Variants in KIF16B observed in about 807,000 individuals in gnomAD.
The protein encoded by KIF16B is kinesin-like protein KIF16B.
A neutral mutation model predicts 156.3 loss-of-function variants in KIF16B; 98 were observed. The observed-to-expected ratio is 0.63, with a 90% CI of 0.53 to 0.74. The LOEUF (loss-of-function observed/expected upper bound fraction) is 0.74, where lower values mean the gene tolerates loss of function less well. KIF16B is among the 30% of genes least tolerant of loss of function. KIF16B has a pLI of 0.00. For synonymous variants in KIF16B, 564 were observed against 583.7 expected (o/e 0.97, Z 0.49); for missense variants, 1,421 against 1,606.5 (o/e 0.88, Z 1.97).
intron 18 of KIF16B, among the ~76,000 whole-genome samples, chr20:16,380,519 A>C (rs866509433): frequency 2.6e-5 from 4 of 152,364 alleles, no homozygotes; most frequent in Middle Eastern, 3.4e-3. Context: ...TATTCAGCCC[A>C]ATGACTAAAA....
chr20:16,528,258 C>A (rs1019294522), intron 2 of KIF16B, 113 bp downstream of exon 2: 26 of 782,648 alleles, frequency 3.3e-5, no homozygotes, highest in Non-Finnish European at 5.1e-5. Flanking sequence ...GCTAACTGCA[C>A]TGGAAAGGAG....
intron 12 of KIF16B, among the ~76,000 whole-genome samples, chr20:16,462,669 G>T (rs1001126475): frequency 1.3e-5 from 2 of 152,158 alleles, no homozygotes; most frequent in African/African-American, 4.8e-5. Flanking sequence ...GACAGTTAGA[G>T]AGGGTAAGAG....
At chr20:16,325,605 T>C (rs1347700874) in intron 24 of KIF16B, among the ~76,000 whole-genome samples, 1 of 149,978 alleles carries the variant, frequency 6.7e-6, no homozygotes, top group African/African-American at 2.5e-5. Context: ...GAAAGACCTC[T>C]ACAAGGAAAA....
intron 24 of KIF16B, 34 bp downstream of exon 24, chr20:16,335,892 G>T: frequency 7.9e-7 from 1 of 1,266,506 alleles, no homozygotes; most frequent in Non-Finnish European, 1.1e-6. Context: ...TAAAATGAAT[G>T]CTCTTAATCG....
At chr20:16,472,722 G>A (rs1046948716) in intron 12 of KIF16B, among the ~76,000 whole-genome samples, 1 of 152,092 alleles carries the variant, frequency 6.6e-6, no homozygotes, top group African/African-American at 2.4e-5. Context: ...ACTACACTGT[G>A]TTCAGAGAAC....
At chr20:16,310,550 C>A (rs570977757) in intron 25 of KIF16B, among the ~76,000 whole-genome samples, 39 of 152,274 alleles carry the variant, frequency 2.6e-4, no homozygotes, top group South Asian at 4.1e-4. Context: ...AATCTATTTT[C>A]TGTTGGCATA....
chr20:16,484,773 T>C (rs2068070614), intron 12 of KIF16B, among the ~76,000 whole-genome samples: 1 of 152,184 alleles, frequency 6.6e-6, no homozygotes, highest in Non-Finnish European at 1.5e-5. Context: ...CAAGTCATCT[T>C]CATTGCAACC....
chr20:16,289,994 T>C (rs973437591), intron 25 of KIF16B, among the ~76,000 whole-genome samples: 1 of 152,248 alleles, frequency 6.6e-6, no homozygotes, highest in African/African-American at 2.4e-5. Flanking sequence ...TAAGATACAT[T>C]TTAGATGCTC....
At chr20:16,567,559 C>A (rs1019814514) in intron 1 of KIF16B, among the ~76,000 whole-genome samples, 2 of 152,224 alleles carry the variant, frequency 1.3e-5, no homozygotes, top group Non-Finnish European at 2.9e-5. Flanking sequence ...GGAACCGAAG[C>A]AGCTGGCTCA....
intron 17 of KIF16B, among the ~76,000 whole-genome samples, chr20:16,388,664 C>T (rs988321887): frequency 3.3e-5 from 5 of 151,142 alleles, no homozygotes; most frequent in Non-Finnish European, 5.9e-5. Context: ...TTTTCTTTTA[C>T]ATTAAAAGAG....
In KIF16B at chr20:16,380,136, C is replaced by T; in HGVS notation, c.1866G>A (p.Lys622=). Residue 622 remains lysine (K), a synonymous_variant, in exon 19 of 26, where the codon AAG becomes AAA. Transcript: ENST00000354981. ...KRKLIEEMEE[K]QKSDKAELER... ...CCAGTTCAGCCTTGTCTGATTTCTG[C>T]TTTTCCTCCATTTCTTCTATGAGTT... The T allele has an allele frequency of 2.6e-6, 4 of 1,513,054 alleles. No individual in the cohort carries two copies. The highest frequency in any genetic ancestry group is 3.5e-6 in the Non-Finnish European group (4 of 1,134,750). 93.7% of individuals were successfully genotyped at this position (1,513,054 alleles called of 1,614,324 possible).
intron 25 of KIF16B, among the ~76,000 whole-genome samples, chr20:16,294,334 C>T (rs1488324239): frequency 6.6e-6 from 1 of 152,162 alleles, no homozygotes; most frequent in African/African-American, 2.4e-5. Context: ...AAAGCAGAGC[C>T]TGAGGCAGTA....
At position 16,511,465 on chromosome 20, in the gene KIF16B, A is replaced by G; in HGVS notation, c.509T>C (p.Phe170Ser). 6.2e-7 allele frequency: 1 copy of G among 1,612,844 alleles called. No homozygotes were observed. The highest frequency in any genetic ancestry group is 2.2e-5 in the East Asian group (1 of 44,856). ...DLLRRKSSKT[F>S]NLRVREHPKE... ...GGGATGCTCACGGACTCTCAAATTG[A>G]AGGTTTTAGATGACTTCCGCCGAAG... The change falls in exon 6 of 26, where the codon TTC becomes TCC. Residue 170 changes from phenylalanine (F) to serine (S), a missense_variant. Phe to Ser is a radical substitution (Grantham distance 155). Coordinates refer to ENST00000354981, the MANE Select transcript of KIF16B (RefSeq NM_024704.5).
intron 22 of KIF16B, among the ~76,000 whole-genome samples, chr20:16,357,170 T>C (rs2064459915): frequency 6.6e-6 from 1 of 152,234 alleles, no homozygotes; most frequent in African/African-American, 2.4e-5. Flanking sequence ...AGCTGGGGGC[T>C]TTAGAAAACA....
chr20:16,562,921 A>G (rs77255737), intron 1 of KIF16B, among the ~76,000 whole-genome samples: 8,564 of 152,310 alleles, frequency 0.056, 292 homozygotes, highest in Admixed American at 0.085. Context: ...AGTGAATTAG[A>G]TAGTACAGCG....
At chr20:16,471,690 G>C (rs2067666681) in intron 12 of KIF16B, among the ~76,000 whole-genome samples, 1 of 152,150 alleles carries the variant, frequency 6.6e-6, no homozygotes, top group African/African-American at 2.4e-5. Flanking sequence ...ATCCATCACA[G>C]AATGATGCAA....
intron 17 of KIF16B, among the ~76,000 whole-genome samples, chr20:16,385,683 G>C (rs2065214035): frequency 6.6e-6 from 1 of 152,182 alleles, no homozygotes; most frequent in Non-Finnish European, 1.5e-5. Context: ...GAGATGAGAA[G>C]AGCAGTGGGG....
chr20:16,280,340 G>T (rs781498057), intron 25 of KIF16B, among the ~76,000 whole-genome samples: 3 of 152,166 alleles, frequency 2.0e-5, no homozygotes, highest in Non-Finnish European at 4.4e-5. Flanking sequence ...GACCTTGAAA[G>T]AAAGGACAAT....
Position 16,504,497 on chromosome 20 carries a change from A to C in KIF16B, c.1051T>G (p.Tyr351Asp), listed in dbSNP as rs2068718174. The C allele has an allele frequency of 6.2e-7, 1 of 1,613,992 alleles. No homozygotes were observed. Among genetic ancestry groups the C allele is most frequent in the Non-Finnish European group, 8.5e-7 (1 of 1,179,980 alleles). The change falls in exon 10 of 26, where the codon TAT (tyrosine) becomes GAT (aspartate). Residue 351 changes from tyrosine to aspartate, a missense_variant. Transcript: ENST00000354981. ...ATGATGTTTTTGGCTCTATTTGCATAGCGAAGAGTACTTAGGGTTTCTCCA... is the reference window on the plus strand; with the variant it reads ...ATGATGTTTTTGGCTCTATTTGCATCGCGAAGAGTACTTAGGGTTTCTCCA... ...NYGETLSTLR[Y>D]ANRAKNIINK... is the part of the protein sequence containing the mutation.
Sources: allele counts gnomAD v4.1 joint callset (sites outside exome capture counted in the v4.1 genomes callset), GRCh38; gene constraint gnomAD v4.1.1; transcripts MANE v1.5; gene names NCBI Gene and HGNC (gene_info 2026-07-23, HGNC 2026-07-21).